GNA14: variants seen among roughly 807,000 people sequenced by gnomAD.
GNA14 encodes G protein subunit alpha 14.
Under a neutral mutation model 42.0 loss-of-function variants are expected in GNA14, and 50 were observed. The observed-to-expected ratio is 1.19, with a 90% CI of 0.95 to 1.51. The LOEUF (loss-of-function observed/expected upper bound fraction) is 1.51. Among genes scored for constraint, GNA14 ranks in the 40% most tolerant of loss-of-function variants. The probability of loss-of-function intolerance (pLI) is 0.00; values close to 1 mark genes in which losing one functional copy is unlikely to be tolerated. For synonymous variants in GNA14, 173 were observed against 163.1 expected (o/e 1.06, Z -0.46); for missense variants, 473 against 446.2 (o/e 1.06, Z -0.54).
At chr9:77,639,898 A>G (rs116020162) in intron 1 of GNA14, among the ~76,000 whole-genome samples, 3,113 of 152,336 alleles carry the variant, frequency 0.02, 52 homozygotes, top group African/African-American at 0.046. Context: ...GCTCTTGCAG[A>G]GGCTTTTGTG....
intron 1 of GNA14, among the ~76,000 whole-genome samples, chr9:77,636,390 A>G (rs932182567): frequency 5.9e-5 from 9 of 152,224 alleles, no homozygotes; most frequent in Non-Finnish European, 8.8e-5. Flanking sequence ...TTGTCAGTCA[A>G]TTTTTAAAAA....
intron 2 of GNA14, among the ~76,000 whole-genome samples, chr9:77,518,363 A>C (rs1248482114): frequency 6.6e-6 from 1 of 152,166 alleles, no homozygotes; most frequent in Non-Finnish European, 1.5e-5. Context: ...GTGAATCCAA[A>C]TAATGACCAT....
intron 2 of GNA14, among the ~76,000 whole-genome samples, chr9:77,496,742 C>T (rs1836877192): frequency 6.6e-6 from 1 of 152,188 alleles, no homozygotes; most frequent in African/African-American, 2.4e-5. Flanking sequence ...CAATGTACCT[C>T]TTCAGGAAAG....
chr9:77,564,741 G>T (rs568582992), intron 1 of GNA14, among the ~76,000 whole-genome samples: 1 of 151,948 alleles, frequency 6.6e-6, no homozygotes, highest in East Asian at 1.9e-4. Flanking sequence ...GCTGAGGCGT[G>T]AGAATCGCTT....
intron 2 of GNA14, among the ~76,000 whole-genome samples, chr9:77,473,106 A>G (rs1836360445): frequency 6.6e-6 from 1 of 152,206 alleles, no homozygotes; most frequent in Non-Finnish European, 1.5e-5. Flanking sequence ...TAAACTTAAC[A>G]CAAAAGAAGT....
Position 77,459,589 on chromosome 9 carries a change from C to T in GNA14, c.310-25067G>A, listed in dbSNP as rs150667759. On this transcript the variant is annotated intron_variant, in intron 2 of 6. Coordinates refer to ENST00000341700, the MANE Select transcript of GNA14 (RefSeq NM_004297.4). Reference sequence around the variant, plus strand: ...TCTCAGGTCCTCATCTCCAAGGTCCCACCCGCAAGCTCTTTCCTGAGCTCT... The same window carrying T: ...TCTCAGGTCCTCATCTCCAAGGTCCTACCCGCAAGCTCTTTCCTGAGCTCT... Among the ~76,000 whole-genome samples, 5 of 152,310 alleles carry T rather than the reference C, an allele frequency of 3.3e-5. No homozygotes were observed. The East Asian group carries it at 9.7e-4, about 29-fold the overall frequency.
Position 77,434,492 on chromosome 9 carries a change from C to T in GNA14, c.340G>A (p.Val114Met). Residue 114 changes from valine (V) to methionine (M), a missense_variant, in exon 3 of 7, where the codon GTG (valine) becomes ATG (methionine). Val to Met is a conservative substitution (Grantham distance 21, BLOSUM62 1). Coordinates refer to ENST00000341700, the MANE Select transcript of GNA14 (RefSeq NM_004297.4). The stretch of plus-strand genomic sequence containing the variant: ...CTGGAGAGCATGGAGACCTTGTCCA[C>T]TTCCACTTCTCTGATTATCTGGGCA... ...ENAQIIREVE[V>M]DKVSMLSREQ... 6.2e-7 allele frequency: 1 copy of T among 1,613,844 alleles called. No individual in the cohort carries two copies.
chr9:77,624,492 G>C (rs1823982975), intron 1 of GNA14, among the ~76,000 whole-genome samples: 1 of 152,130 alleles, frequency 6.6e-6, no homozygotes. Flanking sequence ...CCTCCCAGCG[G>C]GGGTCGACAG....
At chr9:77,609,544 A>G (rs530587427) in intron 1 of GNA14, among the ~76,000 whole-genome samples, 3 of 152,252 alleles carry the variant, frequency 2.0e-5, no homozygotes, top group African/African-American at 4.8e-5. Context: ...GCAGCACACC[A>G]TCCTTGGTAC....
intron 1 of GNA14, among the ~76,000 whole-genome samples, chr9:77,599,620 G>T (rs1823521158): frequency 6.6e-6 from 1 of 152,162 alleles, no homozygotes; most frequent in Non-Finnish European, 1.5e-5. Flanking sequence ...TGTAATTTAG[G>T]ATAAGCATAT....
intron 2 of GNA14, 103 bp downstream of exon 2, chr9:77,528,966 G>A: frequency 1.0e-6 from 1 of 966,312 alleles, no homozygotes; most frequent in South Asian, 1.4e-5. Flanking sequence ...GGGAACAAGA[G>A]CTTCTTCTGG....
intron 1 of GNA14, among the ~76,000 whole-genome samples, chr9:77,579,876 C>A (rs907654345): frequency 6.6e-6 from 1 of 152,204 alleles, no homozygotes; most frequent in Non-Finnish European, 1.5e-5. Flanking sequence ...CTAGTTGATT[C>A]ATTTCTATCC....
At chr9:77,585,742 T>C (rs1823292352) in intron 1 of GNA14, among the ~76,000 whole-genome samples, 1 of 152,240 alleles carries the variant, frequency 6.6e-6, no homozygotes, top group Non-Finnish European at 1.5e-5. Context: ...ATACCTCTAC[T>C]AATATTGCCT....
chr9:77,504,660 C>CATTTTTTT (rs1837036149), intron 2 of GNA14, among the ~76,000 whole-genome samples: 1 of 76,202 alleles, frequency 1.3e-5, no homozygotes, highest in African/African-American at 5.2e-5. Context: ...GTCTGGCCGA[C>CATTTTTTT]TTTTTTTTTT....
chr9:77,546,314 G>T (rs1326541507), intron 1 of GNA14, among the ~76,000 whole-genome samples: 1 of 150,938 alleles, frequency 6.6e-6, no homozygotes, highest in Non-Finnish European at 1.5e-5. Context: ...ATTCAGAGCG[G>T]CCTCTCCCAA....
At chr9:77,538,770 T>A (rs1380098582) in intron 1 of GNA14, among the ~76,000 whole-genome samples, 3 of 152,242 alleles carry the variant, frequency 2.0e-5, no homozygotes, top group Non-Finnish European at 4.4e-5. Flanking sequence ...TTTTTGTATG[T>A]TGATTTTGTG....
At chr9:77,499,389 CAA>C (rs10716926) in intron 2 of GNA14, among the ~76,000 whole-genome samples, 118 of 139,444 alleles carry the variant, frequency 8.5e-4, no homozygotes, top group African/African-American at 2.1e-3. Context: ...CAAATTGCTT[CAA>C]AAAAAAAAAA....
intron 2 of GNA14, among the ~76,000 whole-genome samples, chr9:77,475,747 TG>T (rs375273051): frequency 1.4e-4 from 21 of 152,326 alleles, no homozygotes; most frequent in African/African-American, 4.8e-4. Flanking sequence ...CATGCATTCT[TG>T]GGTCTCTGCA....
chr9:77,489,756 C>A (rs889741084), intron 2 of GNA14, among the ~76,000 whole-genome samples: 5 of 151,766 alleles, frequency 3.3e-5, no homozygotes, highest in African/African-American at 1.2e-4. Context: ...CCGGTGGGCT[C>A]GTGGTCTCGC....
Sources: gnomAD v4.1 joint callset for allele counts (sites outside exome capture counted in the v4.1 genomes callset) on GRCh38, gnomAD v4.1.1 for gene constraint, MANE v1.5 for transcripts, NCBI Gene and HGNC (gene_info 2026-07-23, HGNC 2026-07-21) for gene names.